SCN7A: variants seen among roughly 807,000 people sequenced by gnomAD.
SCN7A encodes sodium voltage-gated channel alpha subunit 7.
A neutral mutation model predicts 155.2 loss-of-function variants in SCN7A; 138 were observed. That is an observed-to-expected ratio of 0.89 (90% confidence interval 0.77 to 1.02). The LOEUF (loss-of-function observed/expected upper bound fraction) is 1.02, where lower values mean the gene tolerates loss of function less well. SCN7A is among the 50% of genes least tolerant of loss of function. SCN7A has a pLI of 0.00. For missense variants in SCN7A, 2,058 were observed against 1,986.6 expected, an observed-to-expected ratio of 1.04 and a Z score of -0.68; for synonymous variants, 693 against 649.0, an observed-to-expected ratio of 1.07 and a Z score of -1.03.
chr2:166,412,745 CAAT>C (rs1701229321), intron 22 of SCN7A, 78 bp from the exon 23 acceptor site: 3 of 1,423,742 alleles, frequency 2.1e-6, no homozygotes, highest in Non-Finnish European at 2.8e-6. Flanking sequence ...GACAAGAAAA[CAAT>C]AACAAAACAA....
intron 18 of SCN7A, among the ~76,000 whole-genome samples, chr2:166,427,359 T>C (rs1049476024): frequency 4.6e-5 from 7 of 152,112 alleles, no homozygotes; most frequent in African/African-American, 1.2e-4. Context: ...ACATTTGTAG[T>C]TCACAGACCC....
At chr2:166,478,743 G>A (rs939188027) in intron 2 of SCN7A, among the ~76,000 whole-genome samples, 6 of 151,742 alleles carry the variant, frequency 4.0e-5, no homozygotes, top group South Asian at 2.1e-4. Flanking sequence ...GTCCTTGAAC[G>A]TAATCATCTT....
chr2:166,433,663 G>T (rs574779154), intron 15 of SCN7A, among the ~76,000 whole-genome samples: 9 of 152,038 alleles, frequency 5.9e-5, no homozygotes, highest in Non-Finnish European at 1.3e-4. Context: ...GTTTTTCCAG[G>T]CAGCTCACTT....
At chr2:166,475,104 G>GTATATATATATATATACATATATACGTA (rs1702759093) in intron 3 of SCN7A, among the ~76,000 whole-genome samples, 3 of 86,026 alleles carry the variant, frequency 3.5e-5, no homozygotes, top group Non-Finnish European at 8.0e-5. Flanking sequence ...ACATATATAT[G>GTATATATATATATATACATATATACGTA]TATATATATA....
At chr2:166,492,315 G>T (rs1007769537) in intron 1 of SCN7A, among the ~76,000 whole-genome samples, 1 of 152,128 alleles carries the variant, frequency 6.6e-6, no homozygotes, top group Non-Finnish European at 1.5e-5. Context: ...GGGACTCACA[G>T]TACCTATCCC....
In SCN7A at chr2:166,412,567, G is replaced by A. The variant is rs1478988147; in HGVS notation, c.3569C>T (p.Thr1190Ile). ...CTTGTTGAAATTATCAATAATAACA[G>A]TAATCAGCATACTCAGAGGGAGAAA... is the stretch of plus-strand genomic sequence containing the variant. ...GVFLPLSMLI[T>I]VIIDNFNKHK... The change falls in exon 23 of 26, where the codon ACT becomes ATT. Residue 1190 changes from threonine to isoleucine, a missense_variant. Transcript: ENST00000643258. 2.7e-6 allele frequency: 4 copies of A among 1,504,852 alleles called. No individual in the cohort carries two copies. The highest frequency in any genetic ancestry group is 1.4e-5 in the African/African-American group (1 of 70,492). 93.2% of individuals were successfully genotyped at this position (1,504,852 alleles called of 1,614,324 possible). A position where few individuals can be genotyped will look rare whatever the true frequency, so the allele number is the denominator to read the frequency against.
chr2:166,461,420 G>A (rs1043765071), intron 10 of SCN7A, among the ~76,000 whole-genome samples: 2 of 152,054 alleles, frequency 1.3e-5, no homozygotes, highest in Non-Finnish European at 2.9e-5. Flanking sequence ...ACCTTTCTGA[G>A]AAACTATGAC....
At chr2:166,464,631 A>G (rs1460114770) in intron 9 of SCN7A, among the ~76,000 whole-genome samples, 2 of 152,080 alleles carry the variant, frequency 1.3e-5, no homozygotes, top group Admixed American at 1.3e-4. Context: ...TTTTTTTTAA[A>G]TGGATGTGAG....
intron 25 of SCN7A, among the ~76,000 whole-genome samples, chr2:166,407,525 A>G (rs1701100920): frequency 6.6e-6 from 1 of 151,926 alleles, no homozygotes. Context: ...GCCTAAGATG[A>G]TATTTCTCTC....
At chr2:166,425,628 T>C (rs1454589426) in intron 18 of SCN7A, among the ~76,000 whole-genome samples, 1 of 152,068 alleles carries the variant, frequency 6.6e-6, no homozygotes, top group Non-Finnish European at 1.5e-5. Context: ...CTTTGGCCTG[T>C]GGTGCATTCT....
chr2:166,413,446 G>C (rs965213682), intron 21 of SCN7A, among the ~76,000 whole-genome samples: 4 of 152,056 alleles, frequency 2.6e-5, no homozygotes, highest in Non-Finnish European at 5.9e-5. Context: ...GCTTTTCTGT[G>C]AGAGACATAA....
intron 17 of SCN7A, among the ~76,000 whole-genome samples, 161 bp downstream of exon 17, chr2:166,429,008 G>A (rs1367354447): frequency 2.0e-5 from 3 of 151,882 alleles, no homozygotes; most frequent in Non-Finnish European, 4.4e-5. Context: ...AACTGTCAGA[G>A]GAAAACAAGT....
Position 166,441,524 on chromosome 2 carries a change from A to C in SCN7A, c.2029T>G (p.Ser677Ala), listed in dbSNP as rs150832361. The C allele has an allele frequency of 1.8e-4, 284 of 1,614,106 alleles. No individual in the cohort carries two copies. The African/African-American group carries it at 3.2e-3, about 18-fold the overall frequency. Residue 677 changes from serine (S) to alanine (A), a missense_variant, in exon 15 of 26, where the codon TCC (serine) becomes GCC (alanine). Physicochemically the swap from Ser to Ala is moderately conservative, Grantham distance 99. Coordinates refer to ENST00000643258, the MANE Select transcript of SCN7A (RefSeq NM_002976.4). ...PRWHMHDFFH[S>A]FLNVFRILCG... ...AGAATTCGGAACACATTCAGGAAGG[A>C]GTGGAAAAAGTCATGCATGTGCCAG...
chr2:166,469,353 T>G (rs1460284057), intron 7 of SCN7A, among the ~76,000 whole-genome samples: 2 of 151,816 alleles, frequency 1.3e-5, no homozygotes, highest in Non-Finnish European at 2.9e-5. Context: ...TAAAGTTAGT[T>G]ATATTTGCCT....
chr2:166,485,269 G>C (rs753141926), intron 2 of SCN7A, among the ~76,000 whole-genome samples: 14 of 152,082 alleles, frequency 9.2e-5, no homozygotes, highest in Non-Finnish European at 1.3e-4. Context: ...CTCAAACACT[G>C]GTGGATCTGG....
chr2:166,426,113 C>A (rs887673612), intron 18 of SCN7A, among the ~76,000 whole-genome samples: 1 of 152,068 alleles, frequency 6.6e-6, no homozygotes, highest in Non-Finnish European at 1.5e-5. Flanking sequence ...AGAGATACAA[C>A]GCCTGGTAGA....
intron 18 of SCN7A, among the ~76,000 whole-genome samples, chr2:166,425,606 A>G (rs969090954): frequency 2.0e-5 from 3 of 151,984 alleles, no homozygotes; most frequent in Non-Finnish European, 4.4e-5. Context: ...GCTTCTAGTG[A>G]CTACTTATAC....
intron 15 of SCN7A, chr2:166,440,475 G>A (rs1415876182): frequency 6.6e-6 from 1 of 152,120 alleles, no homozygotes; most frequent in African/African-American, 2.4e-5. Flanking sequence ...ATATTACATT[G>A]AGTAACAAGG....
intron 9 of SCN7A, among the ~76,000 whole-genome samples, chr2:166,464,154 ATATACACATATG>A (rs56966767): frequency 0.11 from 16,334 of 150,368 alleles, 1,193 homozygotes; most frequent in African/African-American, 0.19. Flanking sequence ...ATACACATAT[ATATACACATATG>A]TGTGTATATA....
Sources: gnomAD v4.1 joint callset for allele counts (sites outside exome capture counted in the v4.1 genomes callset) on GRCh38, gnomAD v4.1.1 for gene constraint, MANE v1.5 for transcripts, NCBI Gene and HGNC (gene_info 2026-07-23, HGNC 2026-07-21) for gene names.